The following TOM1L1 variants were observed in gnomAD, a reference collection of about 807,000 sequenced individuals.
The protein encoded by TOM1L1 is TOM1-like protein 1.
Under a neutral mutation model 63.4 loss-of-function variants are expected in TOM1L1, and 64 were observed. The ratio of observed to expected loss-of-function variants is 1.01; its 90% CI spans 0.83 to 1.24. TOM1L1 has a LOEUF of 1.24. TOM1L1 is among the 50% of genes most tolerant of loss of function. The pLI is 0.00. For synonymous variants in TOM1L1, 166 were observed against 194.4 expected (o/e 0.85, Z 1.22); for missense variants, 536 against 567.0 (o/e 0.95, Z 0.55).
chr17:54,906,966 C>T (rs1486820431), intron 3 of TOM1L1, among the ~76,000 whole-genome samples: 1 of 152,200 alleles, frequency 6.6e-6, no homozygotes, highest in Non-Finnish European at 1.5e-5. Flanking sequence ...TAGTCTTTAT[C>T]AAGAGGACTT....
At chr17:54,921,386 C>G (rs2048681295) in intron 7 of TOM1L1, among the ~76,000 whole-genome samples, 1 of 151,946 alleles carries the variant, frequency 6.6e-6, no homozygotes, top group Non-Finnish European at 1.5e-5. Context: ...AAAAATTAAC[C>G]ATTATTTTAA....
chr17:54,950,074 A>G lies in TOM1L1; in HGVS notation c.1318A>G (p.Asn440Asp). 6.2e-7 allele frequency: 1 copy of G among 1,613,970 alleles called. No individual in the cohort carries two copies. Among genetic ancestry groups the G allele is most frequent in the Non-Finnish European group, 8.5e-7 (1 of 1,179,910 alleles). ...GACAAAAAGTGATCTCCAGCCACCT[A>G]ATTACTACGAGGTAATGGAGTTTGA... ...AMTKSDLQPPNYYEVMEFDPL... is the reference protein window; with the variant it reads ...AMTKSDLQPPDYYEVMEFDPL... Residue 440 changes from asparagine (N) to aspartate (D), a missense_variant, in exon 14 of 16, where the codon AAT becomes GAT. By Grantham distance (23) the Asn-to-Asp change is conservative. Coordinates refer to ENST00000575882, the MANE Select transcript of TOM1L1 (RefSeq NM_005486.3).
At chr17:54,928,127 A>C (rs1053312124) in intron 7 of TOM1L1, among the ~76,000 whole-genome samples, 1 of 152,338 alleles carries the variant, frequency 6.6e-6, no homozygotes, top group South Asian at 2.1e-4. Flanking sequence ...CGGGGGTTAT[A>C]TTAAATGCCA....
At chr17:54,938,351 G>A (rs910627623) in intron 10 of TOM1L1, among the ~76,000 whole-genome samples, 3 of 151,922 alleles carry the variant, frequency 2.0e-5, no homozygotes, top group African/African-American at 7.3e-5. Context: ...AAAATTAGCC[G>A]GGAGTGGTGG....
chr17:54,922,716 G>A (rs950511610), intron 7 of TOM1L1, among the ~76,000 whole-genome samples: 4 of 152,122 alleles, frequency 2.6e-5, no homozygotes, highest in Admixed American at 6.5e-5. Context: ...TGCTGAATGG[G>A]CTGAGAAGGA....
intron 7 of TOM1L1, among the ~76,000 whole-genome samples, chr17:54,927,404 T>C (rs369696697): frequency 1.3e-5 from 2 of 152,284 alleles, no homozygotes; most frequent in African/African-American, 4.8e-5. Flanking sequence ...GGGATGACTG[T>C]AGTTGGAATT....
intron 4 of TOM1L1, 47 bp from the exon 5 acceptor site, chr17:54,913,699 GTT>G: frequency 6.6e-7 from 1 of 1,520,442 alleles, no homozygotes; most frequent in East Asian, 2.5e-5. Context: ...TTGTGTTTTG[GTT>G]TTGTTGCTGT....
chr17:54,922,302 C>T (rs1567827037), intron 7 of TOM1L1, among the ~76,000 whole-genome samples: 1 of 149,442 alleles, frequency 6.7e-6, no homozygotes, highest in Non-Finnish European at 1.5e-5. Flanking sequence ...AAAAAATAAA[C>T]AAAAAAAGAA....
chr17:54,904,121 A>C (rs2143722864), intron 2 of TOM1L1, among the ~76,000 whole-genome samples: 1 of 152,294 alleles, frequency 6.6e-6, no homozygotes, highest in African/African-American at 2.4e-5. Flanking sequence ...TAATCCCAGC[A>C]CTTTGGGAGG....
At chr17:54,958,730 C>CAAAAAAAA (rs61603848) in intron 14 of TOM1L1, among the ~76,000 whole-genome samples, 1 of 57,504 alleles carries the variant, frequency 1.7e-5, no homozygotes, top group Non-Finnish European at 4.7e-5. Context: ...AACTCCATCT[C>CAAAAAAAA]AAAAAAAAAA....
At chr17:54,913,076 C>T (rs954846590) in intron 4 of TOM1L1, among the ~76,000 whole-genome samples, 1 of 152,142 alleles carries the variant, frequency 6.6e-6, no homozygotes, top group African/African-American at 2.4e-5. Context: ...TCTGTGTGTT[C>T]ACTTTGCAGG....
intron 7 of TOM1L1, among the ~76,000 whole-genome samples, chr17:54,923,800 C>G (rs941729971): frequency 6.6e-6 from 1 of 151,866 alleles, no homozygotes; most frequent in African/African-American, 2.4e-5. Flanking sequence ...CCTGCCTTGG[C>G]CTCCCAAAGT....
intron 14 of TOM1L1, chr17:54,956,632 G>C (rs1390438422): frequency 6.6e-6 from 1 of 151,920 alleles, no homozygotes; most frequent in Non-Finnish European, 1.5e-5. Flanking sequence ...CTTTTTTATA[G>C]AGAAGGGGGT....
intron 12 of TOM1L1, 91 bp from the exon 13 acceptor site, chr17:54,949,427 G>A (rs2049174851): frequency 2.1e-6 from 2 of 943,138 alleles, no homozygotes; most frequent in South Asian, 1.5e-5. Flanking sequence ...AAAGTTCTTG[G>A]AACAATGTAC....
chr17:54,905,673 A>G (rs1225809324), intron 3 of TOM1L1, 106 bp downstream of exon 3: 1 of 687,596 alleles, frequency 1.5e-6, no homozygotes, highest in East Asian at 2.7e-5. Context: ...GAAAACTAAT[A>G]GGTTAGCTAG....
At chr17:54,949,748 T>C (rs558644492) in intron 13 of TOM1L1, 125 bp downstream of exon 13, 1 of 841,510 alleles carries the variant, frequency 1.2e-6, no homozygotes, top group African/African-American at 1.7e-5. Context: ...TTTAAGCTAA[T>C]GAAACAAATT....
rs181048567 is a variant in TOM1L1 at position 54,939,021 on chromosome 17, G to A, written c.1130+1G>A. The stretch of plus-strand genomic sequence containing the variant: ...CCTTGGAGAATACAGAGATACCCCC[G>A]TAAGTATGTCAGTAACACTGCAGAA... On this transcript the variant is annotated splice_donor_variant, in intron 11 of 15. Coordinates refer to ENST00000575882, the MANE Select transcript of TOM1L1 (RefSeq NM_005486.3). LOFTEE classifies it high-confidence loss of function. 8.0e-5 allele frequency: 126 copies of A among 1,580,242 alleles called. No homozygotes were observed. The highest frequency in any genetic ancestry group is 1.1e-4 in the Non-Finnish European group (121 of 1,151,220).
chr17:54,955,507 A>G (rs1185871743), intron 14 of TOM1L1, among the ~76,000 whole-genome samples: 3 of 152,130 alleles, frequency 2.0e-5, no homozygotes, highest in African/African-American at 4.8e-5. Context: ...ACAAAGCCTG[A>G]TATTTTAGGG....
chr17:54,936,759 T>G (rs1210661219), intron 9 of TOM1L1, 50 bp downstream of exon 9: 9 of 1,510,118 alleles, frequency 6.0e-6, no homozygotes, highest in Non-Finnish European at 8.1e-6. Context: ...TTTTGCCAAT[T>G]ACAGTGAGAA....
Sources: allele counts gnomAD v4.1 joint callset (sites outside exome capture counted in the v4.1 genomes callset), GRCh38; gene constraint gnomAD v4.1.1; transcripts MANE v1.5; gene names NCBI Gene and HGNC (gene_info 2026-07-23, HGNC 2026-07-21).